The following PIEZO2 variants were observed in gnomAD, a reference collection of about 807,000 sequenced individuals.
PIEZO2 encodes piezo-type mechanosensitive ion channel component 2.
In PIEZO2, 172 loss-of-function variants were observed where a neutral mutation model predicts 337.3. That is an observed-to-expected ratio of 0.51 (90% CI 0.45 to 0.58). PIEZO2 has a LOEUF of 0.58. Ranked by LOEUF, PIEZO2 falls within the 20% of genes least tolerant of loss-of-function variation. The pLI, the probability that PIEZO2 is intolerant of heterozygous loss-of-function variation, is 0.00. For missense variants in PIEZO2, 3,028 were observed against 3,391.3 expected (o/e 0.89, Z 2.66); for synonymous variants, 1,251 against 1,228.5 (o/e 1.02, Z -0.38).
rs1465405625 is a variant in PIEZO2, at chr18:11,128,039, G to C, written c.64+20486C>G. 3.3e-5 allele frequency among the ~76,000 whole-genome samples: 5 copies of C among 152,044 alleles called. No homozygotes were observed. The highest frequency in any genetic ancestry group is 7.3e-5 in the Non-Finnish European group (5 of 68,032). ...TAGTCCTGGGCATGAACTGTTTAGA[G>C]AGTTACACAAAATAAATGCATTTGA... On this transcript the variant is annotated intron_variant, in intron 1 of 55. Transcript: ENST00000674853. This position sits in a 1 kb window ranked among gnomAD's most constrained non-coding sequence, Gnocchi z 4.1.
chr18:10,931,542 A>G lies in PIEZO2; in HGVS notation c.287-20314T>C, dbSNP rs151329416. ...ATAGACTCTAGAACTTAATACTTTC[A>G]AAGGATTTTTCCTTATTACACAAGT... On this transcript the variant is annotated intron_variant, in intron 3 of 55. Transcript: ENST00000674853. 3.3e-3 allele frequency among the ~76,000 whole-genome samples: 509 copies of G among 152,324 alleles called. 2 individuals are homozygous for G. Among genetic ancestry groups the G allele is most frequent in the African/African-American group, 0.011 (470 of 41,574 alleles).
In PIEZO2 at chr18:10,699,134, A is replaced by G; in HGVS notation, c.6485T>C (p.Met2162Thr). The G allele has an allele frequency of 1.3e-6, 2 of 1,537,242 alleles. No homozygotes were observed. Among genetic ancestry groups the G allele is most frequent in the Non-Finnish European group, 1.7e-6 (2 of 1,146,910 alleles). ...CTCATCATCTGATTCCTCCCTGGCCATGCCACTTTCAGTCATGTCATCTTC... is the reference window on the plus strand; with the variant it reads ...CTCATCATCTGATTCCTCCCTGGCCGTGCCACTTTCAGTCATGTCATCTTC... ...WDEDDMTESG[M>T]AREESDDELS... is the part of the protein sequence containing the mutation. The change falls in exon 44 of 56, where the codon ATG becomes ACG. Residue 2162 changes from methionine (M) to threonine (T), a missense_variant. By Grantham distance (81) the Met-to-Thr change is moderately conservative. Coordinates refer to ENST00000674853, the MANE Select transcript of PIEZO2 (RefSeq NM_001378183.1).
rs1419514004 is a variant in PIEZO2, at chr18:11,016,073, T to G, written c.161-36413A>C. On this transcript the variant is annotated intron_variant, in intron 2 of 55. Transcript: ENST00000674853. This position sits in a 1 kb window ranked among gnomAD's most constrained non-coding sequence, Gnocchi z 5.6. ...CCTCCTTCAGCCTCATTCTTCCTCCTTCTCCATTGCTCCTGTAGACCCAAA... is the reference window on the plus strand; with the variant it reads ...CCTCCTTCAGCCTCATTCTTCCTCCGTCTCCATTGCTCCTGTAGACCCAAA... 6.6e-6 allele frequency among the ~76,000 whole-genome samples: 1 copy of G among 152,208 alleles called. No individual in the cohort carries two copies. The highest frequency in any genetic ancestry group is 2.4e-5 in the African/African-American group (1 of 41,454).
rs1220164571 is a variant in PIEZO2, at chr18:10,877,201, C to T, written c.330-5786G>A. Among the ~76,000 whole-genome samples, 1 of 152,212 alleles carries T rather than the reference C, an allele frequency of 6.6e-6. No homozygotes were observed. The highest frequency in any genetic ancestry group is 1.5e-5 in the Non-Finnish European group (1 of 68,026). On this transcript the variant is annotated intron_variant, in intron 4 of 55. Coordinates refer to ENST00000674853, the MANE Select transcript of PIEZO2 (RefSeq NM_001378183.1). This position sits in a 1 kb window ranked among gnomAD's most constrained non-coding sequence, Gnocchi z 5.3. ...TCTACAAGATCACCCTGGATGATAT[C>T]CATCCCCAAGGCCCTAATCAGCATC...
At chr18:10,897,138 T>G (rs2042922540) in intron 4 of PIEZO2, among the ~76,000 whole-genome samples, 1 of 152,078 alleles carries the variant, frequency 6.6e-6, no homozygotes, top group Admixed American at 6.5e-5. Context: ...ATCCTGGGCT[T>G]GGTTTCCTCC....
At chr18:11,088,243 G>T (rs1568363301) in intron 1 of PIEZO2, among the ~76,000 whole-genome samples, 2 of 152,074 alleles carry the variant, frequency 1.3e-5, no homozygotes. Flanking sequence ...TGAAAAGTGG[G>T]TTACCAAGTC....
At chr18:10,704,339 C>T in intron 42 of PIEZO2, 55 bp downstream of exon 42, 1 of 1,518,790 alleles carries the variant, frequency 6.6e-7, no homozygotes, top group African/African-American at 1.4e-5. Flanking sequence ...ACAAGGTATG[C>T]TTCCCCTTGC....
intron 2 of PIEZO2, among the ~76,000 whole-genome samples, chr18:11,010,707 CA>C (rs2035867412): frequency 6.6e-6 from 1 of 152,076 alleles, no homozygotes; most frequent in Admixed American, 6.5e-5. Flanking sequence ...CAGGAACATC[CA>C]GGGGTCATTA....
chr18:11,091,013 T>A (rs1041270324), intron 1 of PIEZO2, among the ~76,000 whole-genome samples: 3 of 151,980 alleles, frequency 2.0e-5, no homozygotes, highest in African/African-American at 7.2e-5. Flanking sequence ...GATAAGAAAT[T>A]CACAAATATA....
chr18:10,718,900 G>C (rs1021236311), intron 36 of PIEZO2, among the ~76,000 whole-genome samples: 1 of 151,702 alleles, frequency 6.6e-6, no homozygotes, highest in African/African-American at 2.4e-5. Flanking sequence ...GAGGCTGAGG[G>C]TGGGAGGATT....
intron 2 of PIEZO2, among the ~76,000 whole-genome samples, chr18:11,059,634 C>T (rs1451828352): frequency 6.6e-6 from 1 of 152,010 alleles, no homozygotes. Context: ...AGACTTTAAA[C>T]CAACAAAGAT....
rs1005579367 is a variant in PIEZO2 at position 10,705,692 on chromosome 18, G to A, written c.5643C>T (p.Ile1881=). 3 of 1,536,674 alleles carry A rather than the reference G, an allele frequency of 2.0e-6. No homozygotes were observed. The highest frequency in any genetic ancestry group is 2.4e-5 in the South Asian group (2 of 83,982). Residue 1881 remains isoleucine, a synonymous_variant, in exon 41 of 56, where the codon ATC becomes ATT. Transcript: ENST00000674853. ...LYSRQGTTET[I]EEVEAEQEEE... ...CCTCCTGCTCAGCCTCCACCTCCTC[G>A]ATGGTCTCAGTGGTCCCCTGGCGTG...
rs906811386 is a variant in PIEZO2, at chr18:11,148,477, G to A, written c.64+48C>T. The A allele has an allele frequency of 1.6e-5, 24 of 1,525,532 alleles. No individual in the cohort carries two copies. Among genetic ancestry groups the A allele is most frequent in the Non-Finnish European group, 2.1e-5 (24 of 1,136,638 alleles). 94.5% of individuals were successfully genotyped at this position (1,525,532 alleles called of 1,614,324 possible). ...TTGTTAAGAAGTCCCCCACCCAGGC[G>A]CCCCCCTCGTCCTCCTCAAGTGCCC... On this transcript the variant is annotated intron_variant, in intron 1 of 55. Transcript: ENST00000674853. The surrounding 1 kb of genome is among the most constrained non-coding windows in gnomAD (Gnocchi z 5.2).
rs1187983344 is a variant in PIEZO2, at chr18:11,146,103, C to T, written c.64+2422G>A. Among the ~76,000 whole-genome samples, 24 of 152,194 alleles carry T rather than the reference C, an allele frequency of 1.6e-4. No homozygotes were observed. Among genetic ancestry groups the T allele is most frequent in the Admixed American group, 1.4e-3 (22 of 15,282 alleles). On this transcript the variant is annotated intron_variant, in intron 1 of 55. Coordinates refer to ENST00000674853, the MANE Select transcript of PIEZO2 (RefSeq NM_001378183.1). This position sits in a 1 kb window ranked among gnomAD's most constrained non-coding sequence, Gnocchi z 6.1. ...ACTGTTACACAGTCATGCACACACT[C>T]GCACACCCAGGTTAGTCTCCCTGAA...
chr18:11,076,381 T>C (rs748032308), intron 1 of PIEZO2, among the ~76,000 whole-genome samples: 7 of 152,192 alleles, frequency 4.6e-5, no homozygotes, highest in African/African-American at 1.2e-4. Context: ...AAATCATAAC[T>C]ACTACTCAAT....
chr18:11,015,230 G>T (rs1174836098), intron 2 of PIEZO2, among the ~76,000 whole-genome samples: 18 of 138,936 alleles, frequency 1.3e-4, no homozygotes, highest in Non-Finnish European at 1.9e-4. Context: ...TCATTCCTCA[G>T]TGTGGGGAAG....
chr18:11,044,544 A>G (rs1034966246), intron 2 of PIEZO2, among the ~76,000 whole-genome samples: 1 of 152,192 alleles, frequency 6.6e-6, no homozygotes, highest in Non-Finnish European at 1.5e-5. Context: ...CCTAGGCCAC[A>G]CTATTTTCAA....
chr18:11,011,246 A>C (rs1278976201), intron 2 of PIEZO2, among the ~76,000 whole-genome samples: 1 of 152,220 alleles, frequency 6.6e-6, no homozygotes. Context: ...TTTACATTTA[A>C]TCTGTGTCCT....
rs1371309786 is a variant in PIEZO2 at position 10,833,913 on chromosome 18, T to C, written c.917+21440A>G. 6.6e-6 allele frequency among the ~76,000 whole-genome samples: 1 copy of C among 152,264 alleles called. No homozygotes were observed. The highest frequency in any genetic ancestry group is 2.4e-5 in the African/African-American group (1 of 41,466). On this transcript the variant is annotated intron_variant, in intron 7 of 55. Coordinates refer to ENST00000674853, the MANE Select transcript of PIEZO2 (RefSeq NM_001378183.1). This position sits in a 1 kb window ranked among gnomAD's most constrained non-coding sequence, Gnocchi z 4.7. ...CCTCCTAATCCTTGTCTTTGTTGCT[T>C]TTCTACAGACCTCAAAACTTTTCCA...
Sources: allele counts gnomAD v4.1 joint callset (sites outside exome capture counted in the v4.1 genomes callset), GRCh38; gene constraint gnomAD v4.1.1; non-coding constraint Gnocchi (gnomAD v3.1); transcripts MANE v1.5; gene names NCBI Gene and HGNC (gene_info 2026-07-23, HGNC 2026-07-21).